Variants in PRMT1 observed in about 807,000 individuals in gnomAD.
PRMT1 encodes the protein protein arginine methyltransferase 1, also known as protein arginine N-methyltransferase 1.
A neutral mutation model predicts 47.4 loss-of-function variants in PRMT1; 5 were observed. That is an observed-to-expected ratio of 0.11 (90% CI 0.06 to 0.22). PRMT1 has a LOEUF of 0.22. PRMT1 is among the 10% of genes least tolerant of loss of function. The pLI is 1.00. For missense variants in PRMT1, 249 were observed against 518.4 expected, an observed-to-expected ratio of 0.48 and a Z score of 5.05; for synonymous variants, 227 against 204.6, an observed-to-expected ratio of 1.11 and a Z score of -0.94.
Position 49,679,628 on chromosome 19 carries a change from C to T in PRMT1, c.37-244C>T, listed in dbSNP as rs553445758. On this transcript the variant is annotated intron_variant, in intron 1 of 10. Transcript: ENST00000454376. ...CAGCTGCCTGGCCAGAGAGGGGCAG[C>T]GTGGGGGTGGGCCACCATCTCTCCA... 2.1e-4 allele frequency: 148 copies of T among 695,970 alleles called. 1 individual carries two copies. The highest frequency in any genetic ancestry group is 1.1e-3 in the Admixed American group (55 of 50,116). 43.1% of individuals were successfully genotyped at this position (695,970 alleles called of 1,614,324 possible).
rs1489837467 is a variant in PRMT1 at position 49,685,520 on chromosome 19, T to G, written c.759+483T>G. ...GTTTTGTTTTGTTTTTTCCTTTTGT[T>G]TTTTTTTACTTCTGAGACCCTGTTT... On this transcript the variant is annotated intron_variant, in intron 8 of 10. Transcript: ENST00000454376. This position sits in a 1 kb window ranked among gnomAD's most constrained non-coding sequence, Gnocchi z 4.7. 9.8e-7 allele frequency: 1 copy of G among 1,019,624 alleles called. No individual in the cohort carries two copies. The highest frequency in any genetic ancestry group is 1.7e-5 in the African/African-American group (1 of 57,706). The allele number at this position is 1,019,624 out of a possible 1,614,324, so 63.2% of individuals were successfully genotyped here.
intron 4 of PRMT1, 26 bp downstream of exon 4, chr19:49,682,091 G>A (rs1423292688): frequency 6.2e-7 from 1 of 1,613,712 alleles, no homozygotes; most frequent in Non-Finnish European, 8.5e-7. Flanking sequence ...GGCCAGGCGG[G>A]GCCGGGCCTG....
chr19:49,683,687 C>CAA (rs34880220), intron 5 of PRMT1: 2,366 of 225,850 alleles, frequency 0.01, no homozygotes, highest in Admixed American at 0.015. Context: ...GACTCCGTCT[C>CAA]AAAAAAAAAA....
In PRMT1 at chr19:49,682,274, A is replaced by C; in HGVS notation, c.412+15A>C. On this transcript the variant is annotated intron_variant, in intron 5 of 10. Transcript: ENST00000454376. ...GTTAGACCACGGTGAGCCCAGAAAG[A>C]GGATGGGTTTGTGGGAGTGGAGGGG... The C allele has an allele frequency of 6.2e-7, 1 of 1,611,760 alleles. No individual in the cohort carries two copies. Among genetic ancestry groups the C allele is most frequent in the Non-Finnish European group, 8.5e-7 (1 of 1,179,334 alleles).
At position 49,682,025 on chromosome 19, in the gene PRMT1, G is replaced by C. The variant is rs1331877483; in HGVS notation, c.308G>C (p.Cys103Ser). ...LDVGSGTGIL[C>S]MFAAKAGARK... ...GTCGGCTCGGGCACCGGCATCCTCT[G>C]CATGTTTGCTGCCAAGGCCGGGGCC... is the stretch of plus-strand genomic sequence containing the variant. Residue 103 changes from cysteine to serine, a missense_variant, in exon 4 of 11, where the codon TGC (cysteine) becomes TCC (serine). Around this residue, in one of 2 missense-constraint regions of PRMT1, gnomAD observed 190 missense variants for 456.7 expected, o/e 0.42. Coordinates refer to ENST00000454376, the MANE Select transcript of PRMT1 (RefSeq NM_001536.6). 2.5e-6 allele frequency: 4 copies of C among 1,614,088 alleles called. No individual in the cohort carries two copies. The highest frequency in any genetic ancestry group is 3.4e-6 in the Non-Finnish European group (4 of 1,180,052).
rs546615036 is a variant in PRMT1 at position 49,684,528 on chromosome 19, T to G, written c.556-226T>G. 6.6e-6 allele frequency among the ~76,000 whole-genome samples: 1 copy of G among 152,074 alleles called. No individual in the cohort carries two copies. The highest frequency in any genetic ancestry group is 1.5e-5 in the Non-Finnish European group (1 of 67,970). On this transcript the variant is annotated intron_variant, in intron 6 of 10. Coordinates refer to ENST00000454376, the MANE Select transcript of PRMT1 (RefSeq NM_001536.6). The surrounding 1 kb of genome is among the most constrained non-coding windows in gnomAD (Gnocchi z 6.2). ...CCCGTGCTTTTCCTCTCAGAGCAGC[T>G]AGGGAGGGTCTGAGGATCCCCAGAA...
chr19:49,684,412 G>A lies in PRMT1; in HGVS notation c.556-342G>A, dbSNP rs373075945. On this transcript the variant is annotated intron_variant, in intron 6 of 10. Coordinates refer to ENST00000454376, the MANE Select transcript of PRMT1 (RefSeq NM_001536.6). This position sits in a 1 kb window ranked among gnomAD's most constrained non-coding sequence, Gnocchi z 6.2. ...TGCGTGTGGAACAGCAGGGAGGCCCGTGTGGAAGGAGGGTCTAGAACGGCA... is the reference window on the plus strand; with the variant it reads ...TGCGTGTGGAACAGCAGGGAGGCCCATGTGGAAGGAGGGTCTAGAACGGCA... Among the ~76,000 whole-genome samples, 224 of 152,224 alleles carry A rather than the reference G, an allele frequency of 1.5e-3. 2 individuals carry two copies. The highest frequency in any genetic ancestry group is 1.8e-3 in the Non-Finnish European group (119 of 67,978).
In PRMT1 at chr19:49,679,928, A is replaced by C; in HGVS notation, c.90+3A>C. 6.2e-7 allele frequency: 1 copy of C among 1,611,106 alleles called. No homozygotes were observed. The highest frequency in any genetic ancestry group is 8.5e-7 in the Non-Finnish European group (1 of 1,178,026). On this transcript the variant is annotated splice_donor_region_variant and intron_variant, in intron 2 of 10. Coordinates refer to ENST00000454376, the MANE Select transcript of PRMT1 (RefSeq NM_001536.6). ...GCCTCCAGCCGCCTCTTGAAGAAGT[A>C]AATATCCTTTTGTGAGACCCCTCCC...
intron 10 of PRMT1, among the ~76,000 whole-genome samples, chr19:49,687,057 G>C (rs917827358): frequency 6.6e-6 from 1 of 152,168 alleles, no homozygotes; most frequent in Non-Finnish European, 1.5e-5. Context: ...GGTGACCTCT[G>C]TCAGGCTGGG....
In PRMT1 at chr19:49,686,561, G is replaced by A. The variant is rs3745468; in HGVS notation, c.911-44G>A. ...AGAGGGAACGCAAGGGTGGGGTTGG[G>A]GGGGGCAGCAGGCCGAGGCCGGCTG... is the stretch of plus-strand genomic sequence containing the variant. On this transcript the variant is annotated intron_variant, in intron 9 of 10. Transcript: ENST00000454376. 12 of 1,582,490 alleles carry A rather than the reference G, an allele frequency of 7.6e-6. No individual in the cohort carries two copies. The African/African-American group carries it at 8.2e-5, about 11-fold the overall frequency.
intron 10 of PRMT1, 54 bp downstream of exon 10, chr19:49,686,780 AT>A (rs2082212554): frequency 8.5e-6 from 2 of 236,254 alleles, no homozygotes; most frequent in Non-Finnish European, 1.3e-5. Flanking sequence ...GGGAGTGTAG[AT>A]TGGGGGGGGA....
intron 10 of PRMT1, 68 bp downstream of exon 10, chr19:49,686,794 G>A: frequency 1.4e-6 from 1 of 703,670 alleles, no homozygotes; most frequent in Non-Finnish European, 2.0e-6. Context: ...GGGGGGGAGT[G>A]GTGGGGGAGG....
intron 10 of PRMT1, among the ~76,000 whole-genome samples, chr19:49,687,506 C>G (rs925615766): frequency 6.7e-6 from 1 of 149,746 alleles, no homozygotes; most frequent in Non-Finnish European, 1.5e-5. Flanking sequence ...CTGCCCCCTC[C>G]GCTCCCCGCC....
intron 5 of PRMT1, among the ~76,000 whole-genome samples, chr19:49,682,489 A>G (rs1451746807): frequency 1.3e-5 from 2 of 152,204 alleles, no homozygotes; most frequent in Non-Finnish European, 2.9e-5. Context: ...TGAATGAGTA[A>G]TAGAGTCACG....
chr19:49,680,170 A>G lies in PRMT1; in HGVS notation c.90+245A>G. 1 of 1,555,994 alleles carries G rather than the reference A, an allele frequency of 6.4e-7. No individual in the cohort carries two copies. The highest frequency in any genetic ancestry group is 1.2e-5 in the South Asian group (1 of 86,524). ...TTTGCCCTTCCCTGTGTCTGCCCCC[A>G]TTTTCCTTCCCCTCCCCTCCCCAGC... On this transcript the variant is annotated intron_variant, in intron 2 of 10. Transcript: ENST00000454376. This position sits in a 1 kb window ranked among gnomAD's most constrained non-coding sequence, Gnocchi z 4.2.
chr19:49,683,628 C>T (rs949733166), intron 5 of PRMT1: 8 of 239,546 alleles, frequency 3.3e-5, no homozygotes, highest in Admixed American at 2.2e-4. Flanking sequence ...GCGGAGGTTG[C>T]AGTGAGCTGA....
chr19:49,677,239 G>A (rs750410433), upstream of PRMT1: 1 of 1,414,132 alleles, frequency 7.1e-7, no homozygotes, highest in Non-Finnish European at 9.3e-7. Context: ...GAGGAGAAAG[G>A]GGGGGTCTTG....
chr19:49,676,726 T>C (rs2082042329), upstream of PRMT1, among the ~76,000 whole-genome samples: 2 of 152,126 alleles, frequency 1.3e-5, no homozygotes, highest in Non-Finnish European at 2.9e-5. Flanking sequence ...GATAATTCCT[T>C]TGAGCCAATC....
rs1368462 is a variant in PRMT1 at position 49,680,724 on chromosome 19, T to C, written c.192+136T>C. 701,287 of 701,326 alleles carry C rather than the reference T, an allele frequency of 1. 350,624 individuals are homozygous for C. The highest frequency in any genetic ancestry group is 1 in the Middle Eastern group (3,292 of 3,292). 43.4% of individuals were successfully genotyped at this position (701,326 alleles called of 1,614,324 possible). A position where few individuals can be genotyped will look rare whatever the true frequency, so the allele number is the denominator to read the frequency against. ...CCCCCCTGCCCCTCTGCTGCGCACT[T>C]CCTAGGGTCGCCTCGCCAAGCCGTT... is the stretch of plus-strand genomic sequence containing the variant. On this transcript the variant is annotated intron_variant, in intron 3 of 10. Transcript: ENST00000454376. This position sits in a 1 kb window ranked among gnomAD's most constrained non-coding sequence, Gnocchi z 4.2.
Sources: allele counts gnomAD v4.1 joint callset (sites outside exome capture counted in the v4.1 genomes callset), GRCh38; gene constraint gnomAD v4.1.1; regional missense constraint gnomAD v4.1.1; non-coding constraint Gnocchi (gnomAD v3.1); transcripts MANE v1.5; gene names NCBI Gene and HGNC (gene_info 2026-07-23, HGNC 2026-07-21).